CORO1C: variants seen among roughly 807,000 people sequenced by gnomAD.
CORO1C encodes the protein coronin-1C.
In CORO1C, 14 loss-of-function variants were observed where a neutral mutation model predicts 51.2. That is an observed-to-expected ratio of 0.27 (90% CI 0.18 to 0.43). The LOEUF is 0.43. CORO1C is among the 20% of genes least tolerant of loss of function. CORO1C has a pLI of 1.00. For missense variants in CORO1C, 417 were observed against 607.8 expected, an observed-to-expected ratio of 0.69 and a Z score of 3.30; for synonymous variants, 181 against 210.5, an observed-to-expected ratio of 0.86 and a Z score of 1.21.
chr12:108,676,035 A>C (rs555590056), intron 3 of CORO1C, among the ~76,000 whole-genome samples: 2 of 152,350 alleles, frequency 1.3e-5, no homozygotes, highest in Admixed American at 1.3e-4. Context: ...ATGATGAAGG[A>C]GGAATCTTTA....
At chr12:108,694,762 T>C (rs897603225) in intron 2 of CORO1C, among the ~76,000 whole-genome samples, 1 of 149,306 alleles carries the variant, frequency 6.7e-6, no homozygotes, top group Non-Finnish European at 1.5e-5. Context: ...AGAATGTTTA[T>C]ATGTATATAG....
chr12:108,685,996 C>A (rs1032708338), intron 2 of CORO1C, among the ~76,000 whole-genome samples: 2 of 152,254 alleles, frequency 1.3e-5, no homozygotes, highest in South Asian at 4.2e-4. Flanking sequence ...ACATATTTCA[C>A]CAAATCAGCA....
intron 2 of CORO1C, among the ~76,000 whole-genome samples, chr12:108,698,679 T>A (rs1197087332): frequency 6.6e-6 from 1 of 152,250 alleles, no homozygotes; most frequent in African/African-American, 2.4e-5. Context: ...AGTGCTGGGA[T>A]TACAGGCATG....
At chr12:108,718,488 G>A (rs1488121346) in intron 1 of CORO1C, among the ~76,000 whole-genome samples, 1 of 152,132 alleles carries the variant, frequency 6.6e-6, no homozygotes, top group Non-Finnish European at 1.5e-5. Flanking sequence ...GTTGCAGTGA[G>A]CAGAGATCAT....
intron 1 of CORO1C, among the ~76,000 whole-genome samples, chr12:108,709,591 G>A (rs1412948470): frequency 6.6e-6 from 1 of 152,050 alleles, no homozygotes; most frequent in African/African-American, 2.4e-5. Context: ...TTTAAATTAA[G>A]ATGGCATATC....
intron 2 of CORO1C, among the ~76,000 whole-genome samples, chr12:108,694,871 A>G (rs1240948296): frequency 6.6e-6 from 1 of 152,248 alleles, no homozygotes; most frequent in Non-Finnish European, 1.5e-5. Context: ...AATTACTCAT[A>G]TATGAATTGT....
chr12:108,695,477 C>T (rs1361680142), intron 2 of CORO1C, among the ~76,000 whole-genome samples: 2 of 152,194 alleles, frequency 1.3e-5, no homozygotes, highest in Admixed American at 1.3e-4. Context: ...ATAATTCTAA[C>T]CATTCCCTCC....
At chr12:108,725,639 A>T (rs2035570940) in intron 1 of CORO1C, among the ~76,000 whole-genome samples, 1 of 152,178 alleles carries the variant, frequency 6.6e-6, no homozygotes, top group South Asian at 2.1e-4. Context: ...GAACTACAGA[A>T]GGTACCCATA....
intron 3 of CORO1C, among the ~76,000 whole-genome samples, chr12:108,669,251 C>T (rs1189690495): frequency 2.6e-5 from 4 of 152,138 alleles, no homozygotes. Flanking sequence ...GGATTTATAC[C>T]ATAAGTAATA....
At chr12:108,652,237 C>G (rs2032706907) in intron 8 of CORO1C, 35 bp downstream of exon 8, 4 of 1,600,890 alleles carry the variant, frequency 2.5e-6, no homozygotes, top group Non-Finnish European at 3.4e-6. Context: ...CACAGTTACA[C>G]CAACCTAGAA....
At chr12:108,665,806 T>C (rs2033453587) in intron 3 of CORO1C, among the ~76,000 whole-genome samples, 1 of 152,234 alleles carries the variant, frequency 6.6e-6, no homozygotes, top group Admixed American at 6.5e-5. Flanking sequence ...GCCAGACTGA[T>C]GTGACTGAAT....
intron 1 of CORO1C, chr12:108,703,042 T>A (rs1013324239): frequency 3.3e-6 from 4 of 1,199,528 alleles, no homozygotes; most frequent in South Asian, 3.4e-5. Flanking sequence ...GTGAGTTAGA[T>A]AAGACAGCTT....
intron 8 of CORO1C, among the ~76,000 whole-genome samples, chr12:108,650,744 G>A (rs1277638120): frequency 3.9e-5 from 6 of 152,164 alleles, no homozygotes; most frequent in East Asian, 1.9e-4. Flanking sequence ...TTCATAAATC[G>A]GAGACATTCT....
intron 2 of CORO1C, 172 bp downstream of exon 2, chr12:108,700,950 TTC>T (rs1012368889): frequency 1.1e-4 from 81 of 707,330 alleles, no homozygotes; most frequent in African/African-American, 1.1e-3. Context: ...TATTTAATGA[TTC>T]TCTGTTAGAG....
chr12:108,709,738 T>C (rs992761190), intron 1 of CORO1C, among the ~76,000 whole-genome samples: 27 of 151,276 alleles, frequency 1.8e-4, no homozygotes, highest in African/African-American at 6.3e-4. Context: ...AAAAAAAGAG[T>C]AAATGAAAAA....
chr12:108,657,503 C>A, intron 5 of CORO1C, 80 bp from the exon 6 acceptor site: 1 of 1,463,280 alleles, frequency 6.8e-7, no homozygotes, highest in South Asian at 1.2e-5. Context: ...ACAGATCCAA[C>A]CTCACCAACT....
chr12:108,649,543 T>A, intron 8 of CORO1C: 1 of 159,172 alleles, frequency 6.3e-6, no homozygotes, highest in Non-Finnish European at 1.4e-5. Flanking sequence ...TACATGACAC[T>A]CAAGAAAAAT....
chr12:108,691,371 G>A (rs1339557894), intron 2 of CORO1C, among the ~76,000 whole-genome samples: 2 of 152,220 alleles, frequency 1.3e-5, no homozygotes, highest in East Asian at 3.8e-4. Flanking sequence ...GCAAAACCGT[G>A]ACTCCAGAAA....
chr12:108,729,096 C>CA (rs2035656375), intron 1 of CORO1C, among the ~76,000 whole-genome samples: 2 of 152,306 alleles, frequency 1.3e-5, no homozygotes, highest in South Asian at 4.1e-4. Flanking sequence ...GACTCGTCGA[C>CA]ATACCCACTT....
Sources: allele counts gnomAD v4.1 joint callset (sites outside exome capture counted in the v4.1 genomes callset), GRCh38; gene constraint gnomAD v4.1.1; transcripts MANE v1.5; gene names NCBI Gene and HGNC (gene_info 2026-07-23, HGNC 2026-07-21).